SCNM1: variants seen among roughly 807,000 people sequenced by gnomAD.
SCNM1 encodes sodium channel modifier 1.
A neutral mutation model predicts 32.8 loss-of-function variants in SCNM1; 24 were observed. The ratio of observed to expected loss-of-function variants is 0.73; its 90% CI spans 0.53 to 1.03. The LOEUF (loss-of-function observed/expected upper bound fraction) is 1.03. Ranked by LOEUF, SCNM1 falls within the 50% of genes least tolerant of loss-of-function variation. SCNM1 has a pLI of 0.00. For synonymous variants in SCNM1, 99 were observed against 103.2 expected, an observed-to-expected ratio of 0.96 and a Z score of 0.25; for missense variants, 274 against 282.3, an observed-to-expected ratio of 0.97 and a Z score of 0.21.
chr1:151,166,626 G>T, intron 2 of SCNM1, 85 bp downstream of exon 2: 2 of 1,536,826 alleles, frequency 1.3e-6, no homozygotes, highest in South Asian at 2.4e-5. Flanking sequence ...TGAGACGGAG[G>T]TCTCGCGGTG....
At chr1:151,168,376 C>G (rs371599509) in intron 6 of SCNM1, 38 bp downstream of exon 6, 23 of 1,538,052 alleles carry the variant, frequency 1.5e-5, no homozygotes, top group Middle Eastern at 3.5e-4. Flanking sequence ...ATTTTCTTTT[C>G]TCTCTGACAC....
Position 151,169,003 on chromosome 1 carries a change from A to G in SCNM1, c.611A>G (p.Asp204Gly). ...GTTTCCAGCTCTGGATGGATCCCAGATGGACGAGGTCGATGGGTAAAAGAT... is the reference window on the plus strand; with the variant it reads ...GTTTCCAGCTCTGGATGGATCCCAGGTGGACGAGGTCGATGGGTAAAAGAT... ...LTLRSSGWIP[D>G]GRGRWVKDEN... is the part of the protein sequence containing the mutation. Residue 204 changes from aspartate (D) to glycine (G), a missense_variant, in exon 7 of 7, where the codon GAT becomes GGT. Transcript: ENST00000368905. The G allele has an allele frequency of 6.2e-7, 1 of 1,613,878 alleles. No individual in the cohort carries two copies. Among genetic ancestry groups the G allele is most frequent in the South Asian group, 1.1e-5 (1 of 91,072 alleles).
Position 151,170,202 on chromosome 1 carries a change from T to C in SCNM1, c.*1117T>C. The C allele has an allele frequency of 6.9e-7, 1 of 1,448,750 alleles. No homozygotes were observed. Among genetic ancestry groups the C allele is most frequent in the Non-Finnish European group, 9.7e-7 (1 of 1,034,360 alleles). 89.7% of individuals were successfully genotyped at this position (1,448,750 alleles called of 1,614,324 possible). The stretch of plus-strand genomic sequence containing the variant: ...CAGTCCCTTAGCCAAACTCATAAAT[T>C]GGTAGTGTCTTAGGCCACCTTACAG... On this transcript the variant is annotated 3_prime_UTR_variant, in exon 7 of 7. Coordinates refer to ENST00000368905, the MANE Select transcript of SCNM1 (RefSeq NM_024041.4).
chr1:151,166,461 C>T lies in SCNM1; in HGVS notation c.52-10C>T, dbSNP rs1382859677. On this transcript the variant is annotated splice_polypyrimidine_tract_variant and intron_variant, in intron 1 of 6. Coordinates refer to ENST00000368905, the MANE Select transcript of SCNM1 (RefSeq NM_024041.4). ...GATCCCGTCCGGATTTCTTCCCCTA[C>T]TCCCTGCAGAAAAGAAGAGTCGGGG... is the stretch of plus-strand genomic sequence containing the variant. 2 of 1,614,040 alleles carry T rather than the reference C, an allele frequency of 1.2e-6. No individual in the cohort carries two copies. The highest frequency in any genetic ancestry group is 1.1e-5 in the South Asian group (1 of 91,032).
chr1:151,167,337 A>G lies in SCNM1; in HGVS notation c.321A>G (p.Leu107=). Residue 107 remains leucine, a synonymous_variant, in exon 5 of 7, where the codon CTA becomes CTG. Transcript: ENST00000368905. The part of the protein sequence containing the change: ...REETKAEAPL[L]TQTRLITQSA... ...CATCTCCTTACCAGGCTCCTCTGCT[A>G]ACTCAGACACGACTTATCACCCAGA... is the stretch of plus-strand genomic sequence containing the variant. 1 of 1,614,116 alleles carries G rather than the reference A, an allele frequency of 6.2e-7. No homozygotes were observed.
Position 151,170,115 on chromosome 1 carries a change from C to T in SCNM1, c.*1030C>T, listed in dbSNP as rs771308640. ...CTTTTGCTGGCGACCTGTAAAGGAG[C>T]AATATTAAACATAAGTGTTTGTTCC... On this transcript the variant is annotated 3_prime_UTR_variant, in exon 7 of 7. Coordinates refer to ENST00000368905, the MANE Select transcript of SCNM1 (RefSeq NM_024041.4). The T allele has an allele frequency of 1.9e-6, 3 of 1,614,086 alleles. No individual in the cohort carries two copies. Among genetic ancestry groups the T allele is most frequent in the South Asian group, 2.2e-5 (2 of 91,070 alleles).
rs1273368596 is a variant in SCNM1, at chr1:151,166,941, T to G, written c.130T>G (p.Cys44Gly). 6.2e-7 allele frequency: 1 copy of G among 1,613,940 alleles called. No individual in the cohort carries two copies. The highest frequency in any genetic ancestry group is 8.5e-7 in the Non-Finnish European group (1 of 1,180,020). The change falls in exon 3 of 7, where the codon TGT (cysteine) becomes GGT (glycine). Residue 44 changes from cysteine (C) to glycine (G), a missense_variant. Transcript: ENST00000368905. ...ALMLRDGRFA[C>G]AICPHRPVLD... ...TTCTCTACCCCTGCTCAGCTTTGCT[T>G]GTGCCATCTGCCCCCATCGACCGGT... is the stretch of plus-strand genomic sequence containing the variant.
chr1:151,168,757 C>T (rs1214053829), intron 6 of SCNM1, among the ~76,000 whole-genome samples: 3 of 138,610 alleles, frequency 2.2e-5, no homozygotes, highest in African/African-American at 8.0e-5. Flanking sequence ...AGCCACCCAA[C>T]TTACATGGCT....
At chr1:151,166,790 C>T in intron 2 of SCNM1, 144 bp from the exon 3 acceptor site, 1 of 1,334,292 alleles carries the variant, frequency 7.5e-7, no homozygotes. Flanking sequence ...TCTTTGGCGG[C>T]CAGTGAGGAC....
At position 151,169,121 on chromosome 1, in the gene SCNM1, T is replaced by G; in HGVS notation, c.*36T>G. 6.2e-7 allele frequency: 1 copy of G among 1,612,708 alleles called. No individual in the cohort carries two copies. The highest frequency in any genetic ancestry group is 8.5e-7 in the Non-Finnish European group (1 of 1,178,814). On this transcript the variant is annotated 3_prime_UTR_variant, in exon 7 of 7. Coordinates refer to ENST00000368905, the MANE Select transcript of SCNM1 (RefSeq NM_024041.4). ...CCATTCATTCACAAATAAATTACAA[T>G]GGGTGCTGAGAACTTAACTTTCCTT...
intron 6 of SCNM1, 50 bp from the exon 7 acceptor site, chr1:151,168,936 T>A (rs1683847351): frequency 6.2e-7 from 1 of 1,607,864 alleles, no homozygotes. Flanking sequence ...ACCACTAACT[T>A]CTTAATAAGC....
chr1:151,166,403 A>C, intron 1 of SCNM1, 68 bp from the exon 2 acceptor site: 1 of 1,600,196 alleles, frequency 6.2e-7, no homozygotes, highest in African/African-American at 1.3e-5. Context: ...TCATTTCTAT[A>C]ATTTCACTTC....
chr1:151,169,924 G>T lies in SCNM1; in HGVS notation c.*839G>T. On this transcript the variant is annotated 3_prime_UTR_variant, in exon 7 of 7. Transcript: ENST00000368905. The stretch of plus-strand genomic sequence containing the variant: ...TAAATAATCCCCTGGTGAACTGGCA[G>T]TAACCCTTGGGGGTTAGCGCCAAGA... The T allele has an allele frequency of 1.3e-6, 1 of 777,918 alleles. No individual in the cohort carries two copies. The allele number at this position is 777,918 out of a possible 1,614,324, so 48.2% of individuals were successfully genotyped here.
chr1:151,168,496 C>T (rs1399473844), intron 6 of SCNM1, among the ~76,000 whole-genome samples, 158 bp downstream of exon 6: 1 of 152,026 alleles, frequency 6.6e-6, no homozygotes, highest in East Asian at 1.9e-4. Context: ...GTAACCTCCA[C>T]CTCCTGGGTT....
Position 151,170,094 on chromosome 1 carries a change from T to C in SCNM1, c.*1009T>C, listed in dbSNP as rs1683899959. On this transcript the variant is annotated 3_prime_UTR_variant, in exon 7 of 7. Transcript: ENST00000368905. ...GGAAATGCAGTGTTATCTCTTCTTT[T>C]GCTGGCGACCTGTAAAGGAGCAATA... 3 of 1,614,100 alleles carry C rather than the reference T, an allele frequency of 1.9e-6. No homozygotes were observed. In the South Asian group the frequency reaches 3.3e-5, roughly 18 times the overall value.
At chr1:151,166,694 G>A in intron 2 of SCNM1, 153 bp downstream of exon 2, 3 of 1,349,502 alleles carry the variant, frequency 2.2e-6, no homozygotes, top group Middle Eastern at 5.3e-4. Flanking sequence ...TCAGCGTCGC[G>A]ATTAGCTGGG....
chr1:151,167,831 CA>C (rs955929744), intron 5 of SCNM1: 1,447 of 232,644 alleles, frequency 6.2e-3, no homozygotes, highest in Middle Eastern at 0.013. Context: ...GACTCCATCT[CA>C]AAAAAAAAAG....
intron 1 of SCNM1, 49 bp downstream of exon 1, chr1:151,166,252 G>A (rs772124955): frequency 1.3e-6 from 2 of 1,563,720 alleles, no homozygotes; most frequent in African/African-American, 1.4e-5. Flanking sequence ...GCTCCCTGAA[G>A]GTTGGGAAGG....
chr1:151,166,787 C>T, intron 2 of SCNM1, 147 bp from the exon 3 acceptor site: 2 of 1,318,806 alleles, frequency 1.5e-6, no homozygotes. Context: ...GATTCTTTGG[C>T]GGCCAGTGAG....
Sources: allele counts gnomAD v4.1 joint callset (sites outside exome capture counted in the v4.1 genomes callset), GRCh38; gene constraint gnomAD v4.1.1; transcripts MANE v1.5; gene names NCBI Gene and HGNC (gene_info 2026-07-23, HGNC 2026-07-21).